SLC44A1: variants seen among roughly 807,000 people sequenced by gnomAD.
The protein encoded by SLC44A1 is solute carrier family 44 member 1.
In SLC44A1, 26 loss-of-function variants were observed where a neutral mutation model predicts 79.3. That is an observed-to-expected ratio of 0.33 (90% confidence interval 0.24 to 0.46). SLC44A1 has a LOEUF of 0.46. Among genes scored for constraint, SLC44A1 ranks in the 20% least tolerant of loss-of-function variants. The pLI, the probability that SLC44A1 is intolerant of heterozygous loss-of-function variation, is 1.00. For synonymous variants in SLC44A1, 263 were observed against 286.2 expected (o/e 0.92, Z 0.82); for missense variants, 688 against 798.1 (o/e 0.86, Z 1.66).
At chr9:105,310,755 G>T (rs1263521497) in intron 3 of SLC44A1, among the ~76,000 whole-genome samples, 1 of 152,176 alleles carries the variant, frequency 6.6e-6, no homozygotes, top group South Asian at 2.1e-4. Context: ...TGGGCCCCTA[G>T]TGGGAAGTAT....
Position 105,352,623 on chromosome 9 carries a change from A to G in SLC44A1, c.501-3589A>G, listed in dbSNP as rs73512060. 1.3e-3 allele frequency among the ~76,000 whole-genome samples: 195 copies of G among 152,372 alleles called. 1 individual carries two copies. Among genetic ancestry groups the G allele is most frequent in the Middle Eastern group, 0.01 (3 of 294 alleles). ...TGGAAGGTAGAAAAACTTACTGTAT[A>G]TAGAATACTTTATGCTTGTCCTTTT... On this transcript the variant is annotated intron_variant, in intron 5 of 15. Transcript: ENST00000374720.
At chr9:105,304,124 C>T (rs1173390833) in intron 2 of SLC44A1, among the ~76,000 whole-genome samples, 1 of 152,132 alleles carries the variant, frequency 6.6e-6, no homozygotes, top group East Asian at 1.9e-4. Flanking sequence ...ATTTAGGGGA[C>T]ATCATCTCAT....
In SLC44A1 at chr9:105,245,436, C is replaced by T. The variant is rs546741675; in HGVS notation, c.36+532C>T. On this transcript the variant is annotated intron_variant, in intron 1 of 15. Transcript: ENST00000374720. ...GTCCCTTTTCTCTTGCCCGCTGCCC[C>T]CTGGCTGGGTTCAGATGGTTTCAGC... Among the ~76,000 whole-genome samples, 128 of 152,366 alleles carry T rather than the reference C, an allele frequency of 8.4e-4. 1 individual carries two copies. The highest frequency in any genetic ancestry group is 3.2e-3 in the Admixed American group (49 of 15,306).
At chr9:105,306,942 T>C (rs1418882548) in intron 2 of SLC44A1, among the ~76,000 whole-genome samples, 2 of 152,194 alleles carry the variant, frequency 1.3e-5, no homozygotes, top group African/African-American at 2.4e-5. Context: ...TCTGAAAATA[T>C]TTTTGTACGG....
intron 1 of SLC44A1, among the ~76,000 whole-genome samples, chr9:105,275,804 A>ATT (rs1229808333): frequency 1.2e-4 from 17 of 138,910 alleles, no homozygotes; most frequent in Non-Finnish European, 1.4e-4. Context: ...TGGAAGAACA[A>ATT]TTTTTTTTTT....
At chr9:105,354,164 C>T (rs1172764860) in intron 5 of SLC44A1, among the ~76,000 whole-genome samples, 1 of 147,822 alleles carries the variant, frequency 6.8e-6, no homozygotes, top group African/African-American at 2.5e-5. Flanking sequence ...CATTCTCCTG[C>T]CTCAGCCTCC....
At chr9:105,275,216 A>T (rs78325434) in intron 1 of SLC44A1, among the ~76,000 whole-genome samples, 279 of 152,318 alleles carry the variant, frequency 1.8e-3, no homozygotes, top group African/African-American at 6.3e-3. Context: ...GCCTATCTCA[A>T]TTTGTTGTAA....
intron 1 of SLC44A1, among the ~76,000 whole-genome samples, chr9:105,261,519 A>G (rs1456801116): frequency 6.6e-6 from 1 of 152,214 alleles, no homozygotes; most frequent in Non-Finnish European, 1.5e-5. Flanking sequence ...GAAACTCAGG[A>G]CAAAGGGAAG....
At chr9:105,402,909 T>A (rs937411786) in intron 15 of SLC44A1, among the ~76,000 whole-genome samples, 2 of 148,200 alleles carry the variant, frequency 1.3e-5, no homozygotes, top group African/African-American at 5.0e-5. Flanking sequence ...ACTCCATAGC[T>A]CAAGCGATCC....
Position 105,365,560 on chromosome 9 carries a change from C to G in SLC44A1, c.1331C>G (p.Ala444Gly), listed in dbSNP as rs1480078086. The change falls in exon 11 of 16, where the codon GCA becomes GGA. Residue 444 changes from alanine (A) to glycine (G), a missense_variant. Transcript: ENST00000374720. ...RLIRYHLGTVAKGSFIITLVK... is the reference protein window; with the variant it reads ...RLIRYHLGTVGKGSFIITLVK... ...ATTCGTTACCACCTAGGTACGGTGG[C>G]AAAAGGATCTTTCATTATCACATTA... The G allele has an allele frequency of 3.1e-6, 5 of 1,612,200 alleles. No homozygotes were observed. In the African/African-American group the frequency reaches 6.7e-5, roughly 22 times the overall value.
Position 105,272,567 on chromosome 9 carries a change from C to T in SLC44A1, c.37-26653C>T, listed in dbSNP as rs116626426. Among the ~76,000 whole-genome samples, 1,071 of 150,222 alleles carry T rather than the reference C, an allele frequency of 7.1e-3. 11 individuals carry two copies. The highest frequency in any genetic ancestry group is 0.024 in the African/African-American group (991 of 41,084). ...AAGGCTGAGAGAAAAAAAAAAAAGCCGTATGTATTAGGTATCACTATTCTC... is the reference window on the plus strand; with the variant it reads ...AAGGCTGAGAGAAAAAAAAAAAAGCTGTATGTATTAGGTATCACTATTCTC... On this transcript the variant is annotated intron_variant, in intron 1 of 15. Transcript: ENST00000374720.
intron 12 of SLC44A1, among the ~76,000 whole-genome samples, chr9:105,371,710 C>T (rs1236231800): frequency 8.6e-6 from 1 of 116,796 alleles, no homozygotes; most frequent in Non-Finnish European, 1.7e-5. Flanking sequence ...CAGAGTGAGA[C>T]TCCATCTCAC....
chr9:105,356,449 A>C (rs1368475366), intron 6 of SLC44A1, 68 bp downstream of exon 6: 2 of 1,064,964 alleles, frequency 1.9e-6, no homozygotes, highest in Non-Finnish European at 2.7e-6. Context: ...TCTTTTAGCC[A>C]AAATATGAAT....
chr9:105,335,771 T>C, intron 4 of SLC44A1, 72 bp downstream of exon 4: 2 of 1,408,548 alleles, frequency 1.4e-6, no homozygotes, highest in African/African-American at 1.4e-5. Context: ...TTTGCCCTAG[T>C]GTTAAATAAA....
At chr9:105,257,820 G>C (rs1056226371) in intron 1 of SLC44A1, among the ~76,000 whole-genome samples, 1 of 152,208 alleles carries the variant, frequency 6.6e-6, no homozygotes, top group Non-Finnish European at 1.5e-5. Flanking sequence ...CTTGCTGCTT[G>C]TCAGTATGGA....
intron 15 of SLC44A1, among the ~76,000 whole-genome samples, chr9:105,405,282 C>G (rs1429649985): frequency 6.6e-6 from 1 of 150,906 alleles, no homozygotes; most frequent in Non-Finnish European, 1.5e-5. Context: ...GAATGTGCCA[C>G]TGCACTCCAG....
chr9:105,274,104 A>G (rs2131236743), intron 1 of SLC44A1, among the ~76,000 whole-genome samples: 1 of 152,328 alleles, frequency 6.6e-6, no homozygotes. Flanking sequence ...CCAGTAAAGG[A>G]TATATCCATC....
chr9:105,383,486 C>T (rs1828539547), intron 14 of SLC44A1, 127 bp downstream of exon 14: 2 of 647,410 alleles, frequency 3.1e-6, no homozygotes, highest in East Asian at 2.7e-5. Context: ...CCCCATAGCA[C>T]TGACTCATAA....
At chr9:105,366,630 AT>A (rs1402898503) in intron 12 of SLC44A1, among the ~76,000 whole-genome samples, 1 of 151,912 alleles carries the variant, frequency 6.6e-6, no homozygotes, top group Non-Finnish European at 1.5e-5. Context: ...TATTATTTTA[AT>A]TTTTTCCAAC....
Sources: gnomAD v4.1 joint callset for allele counts (sites outside exome capture counted in the v4.1 genomes callset) on GRCh38, gnomAD v4.1.1 for gene constraint, MANE v1.5 for transcripts, NCBI Gene and HGNC (gene_info 2026-07-23, HGNC 2026-07-21) for gene names.